The following SGCD variants were observed in gnomAD, a reference collection of about 807,000 sequenced individuals.
SGCD encodes sarcoglycan delta, also known as delta-sarcoglycan.
Under a neutral mutation model 36.6 loss-of-function variants are expected in SGCD, and 18 were observed. That is an observed-to-expected ratio of 0.49 (90% CI 0.34 to 0.73). The LOEUF is 0.73. Ranked by LOEUF, SGCD falls within the 30% of genes least tolerant of loss-of-function variation. The pLI, the probability that SGCD is intolerant of heterozygous loss-of-function variation, is 0.01. For synonymous variants in SGCD, 133 were observed against 130.6 expected (o/e 1.02, Z -0.12); for missense variants, 387 against 346.7 (o/e 1.12, Z -0.92).
chr5:156,305,936 T>C (rs1767199139), intron 3 of SGCD, among the ~76,000 whole-genome samples: 1 of 152,130 alleles, frequency 6.6e-6, no homozygotes, highest in African/African-American at 2.4e-5. Context: ...TTGGCCACTT[T>C]CTCCCATTTG....
chr5:156,387,911 G>A (rs1165352865), intron 3 of SGCD, among the ~76,000 whole-genome samples: 2 of 152,128 alleles, frequency 1.3e-5, no homozygotes, highest in African/African-American at 4.8e-5. Context: ...ACCTACAAAA[G>A]CAAAGGTTTC....
intron 3 of SGCD, among the ~76,000 whole-genome samples, chr5:156,507,751 A>G (rs1236793168): frequency 6.6e-6 from 1 of 152,204 alleles, no homozygotes; most frequent in African/African-American, 2.4e-5. Flanking sequence ...ATATATTTGT[A>G]TATGTGTGGA....
chr5:156,370,659 G>A (rs1770332347), intron 3 of SGCD, among the ~76,000 whole-genome samples: 1 of 152,160 alleles, frequency 6.6e-6, no homozygotes, highest in Admixed American at 6.5e-5. Context: ...ACCTGCATGG[G>A]ATTGTCAGTA....
intron 3 of SGCD, among the ~76,000 whole-genome samples, chr5:156,437,017 A>G (rs992619882): frequency 1.3e-5 from 2 of 152,126 alleles, no homozygotes; most frequent in Non-Finnish European, 2.9e-5. Flanking sequence ...TCTGTGTCCC[A>G]TATTTTTTTT....
chr5:156,029,897 C>G (rs1458651236), intron 1 of SGCD, among the ~76,000 whole-genome samples: 1 of 152,124 alleles, frequency 6.6e-6, no homozygotes, highest in Non-Finnish European at 1.5e-5. Flanking sequence ...TTCTCTCTGT[C>G]TCCAAATCCT....
At chr5:156,654,807 A>G (rs1007300862) in intron 7 of SGCD, among the ~76,000 whole-genome samples, 4 of 152,302 alleles carry the variant, frequency 2.6e-5, no homozygotes, top group South Asian at 2.1e-4. Flanking sequence ...GATAATTCTC[A>G]TCTGCCTTCA....
the SGCD span, among the ~76,000 whole-genome samples, chr5:155,790,144 G>A: frequency 6.6e-6 from 1 of 151,982 alleles, no homozygotes; most frequent in African/African-American, 2.4e-5. Flanking sequence ...TTACTCTCAT[G>A]TTTTTAGAAT....
At chr5:156,053,881 C>T (rs942342343) in intron 1 of SGCD, among the ~76,000 whole-genome samples, 1 of 146,126 alleles carries the variant, frequency 6.8e-6, no homozygotes, top group African/African-American at 2.5e-5. Flanking sequence ...CGGATGACAT[C>T]TAGCTTTGTC....
In SGCD at chr5:156,428,631, T is replaced by C. The variant is rs543139701; in HGVS notation, c.193-79970T>C. Among the ~76,000 whole-genome samples the C allele has an allele frequency of 5.9e-5, 9 of 152,216 alleles. No individual in the cohort carries two copies. The East Asian group carries it at 1.7e-3, about 29-fold the overall frequency. On this transcript the variant is annotated intron_variant, in intron 3 of 8. Coordinates refer to ENST00000337851, the MANE Select transcript of SGCD (RefSeq NM_000337.6). ...TAGTTCCTTGAAGTGTAACCTTAGA[T>C]TGTCTGTTTGTGATCTTTCAGACTT...
chr5:156,145,398 T>G (rs1022333672), intron 3 of SGCD, among the ~76,000 whole-genome samples: 4 of 152,154 alleles, frequency 2.6e-5, no homozygotes, highest in African/African-American at 7.2e-5. Context: ...TCTCTTTTCT[T>G]TGTAAACTAC....
intron 3 of SGCD, among the ~76,000 whole-genome samples, chr5:156,209,182 C>G (rs1403223031): frequency 6.6e-6 from 1 of 152,174 alleles, no homozygotes; most frequent in East Asian, 1.9e-4. Context: ...AATTTCACAG[C>G]CTCTGGCTTT....
chr5:156,046,532 A>G (rs181209867), intron 1 of SGCD, among the ~76,000 whole-genome samples: 46 of 152,210 alleles, frequency 3.0e-4, no homozygotes, highest in Admixed American at 2.8e-3. Flanking sequence ...AATTCTTACA[A>G]ATTTTAAAAT....
chr5:156,071,450 T>A (rs1363461102), intron 1 of SGCD, among the ~76,000 whole-genome samples: 15 of 152,284 alleles, frequency 9.9e-5, no homozygotes, highest in South Asian at 4.1e-4. Flanking sequence ...TTTGAGTGAG[T>A]TTCTTAATCC....
At chr5:156,638,346 C>T (rs1006757459) in intron 6 of SGCD, among the ~76,000 whole-genome samples, 5 of 152,168 alleles carry the variant, frequency 3.3e-5, no homozygotes, top group Non-Finnish European at 4.4e-5. Context: ...TCTCCCTCTA[C>T]ACTACTGGCC....
intron 1 of SGCD, among the ~76,000 whole-genome samples, chr5:155,981,756 C>T (rs143404349): frequency 6.6e-6 from 1 of 152,240 alleles, no homozygotes; most frequent in Non-Finnish European, 1.5e-5. Context: ...TGTATCCTGC[C>T]CATCCTGGGG....
chr5:156,140,550 G>A (rs1455504803), intron 3 of SGCD, among the ~76,000 whole-genome samples: 1 of 152,140 alleles, frequency 6.6e-6, no homozygotes, highest in Non-Finnish European at 1.5e-5. Flanking sequence ...TTTGTGGAAG[G>A]CAAAATTTAA....
chr5:156,232,034 T>C (rs1765032515), intron 3 of SGCD, among the ~76,000 whole-genome samples: 1 of 152,048 alleles, frequency 6.6e-6, no homozygotes, highest in Non-Finnish European at 1.5e-5. Context: ...ACTGAAAAAA[T>C]AGTTCCTCCA....
intron 1 of SGCD, among the ~76,000 whole-genome samples, chr5:155,891,633 A>G (rs1270403479): frequency 7.0e-6 from 1 of 142,416 alleles, no homozygotes; most frequent in African/African-American, 2.6e-5. Context: ...AATGAAAACA[A>G]TATTACAGTG....
chr5:156,278,891 G>C (rs1204369571), intron 3 of SGCD, among the ~76,000 whole-genome samples: 1 of 152,110 alleles, frequency 6.6e-6, no homozygotes, highest in Non-Finnish European at 1.5e-5. Flanking sequence ...AGATTATCAA[G>C]TATTTCTATT....
Sources: gnomAD v4.1 joint callset for allele counts (sites outside exome capture counted in the v4.1 genomes callset) on GRCh38, gnomAD v4.1.1 for gene constraint, MANE v1.5 for transcripts, NCBI Gene and HGNC (gene_info 2026-07-23, HGNC 2026-07-21) for gene names.